Variants in ZFPM2 observed in about 807,000 individuals in gnomAD.
The protein encoded by ZFPM2 is zinc finger protein, FOG family member 2, also known as zinc finger protein ZFPM2.
Under a neutral mutation model 98.6 loss-of-function variants are expected in ZFPM2, and 20 were observed. That is an observed-to-expected ratio of 0.20 (90% CI 0.14 to 0.29). ZFPM2 has a LOEUF of 0.29. Ranked by LOEUF, ZFPM2 falls within the 10% of genes least tolerant of loss-of-function variation. The pLI, the probability that ZFPM2 is intolerant of heterozygous loss-of-function variation, is 1.00. For synonymous variants in ZFPM2, 518 were observed against 502.7 expected, an observed-to-expected ratio of 1.03 and a Z score of -0.41; for missense variants, 1,310 against 1,388.6, an observed-to-expected ratio of 0.94 and a Z score of 0.90.
intron 3 of ZFPM2, among the ~76,000 whole-genome samples, chr8:105,505,666 A>G (rs1042524017): frequency 6.6e-6 from 1 of 152,196 alleles, no homozygotes; most frequent in African/African-American, 2.4e-5. Flanking sequence ...AGATTCAAGT[A>G]TTCTGCTACA....
At chr8:105,398,256 A>G (rs1811262916) in intron 1 of ZFPM2, among the ~76,000 whole-genome samples, 1 of 152,150 alleles carries the variant, frequency 6.6e-6, no homozygotes, top group East Asian at 1.9e-4. Context: ...TTTTTCATTT[A>G]ATATATATTG....
At chr8:105,647,097 G>C (rs1024144951) in intron 5 of ZFPM2, among the ~76,000 whole-genome samples, 1 of 152,094 alleles carries the variant, frequency 6.6e-6, no homozygotes, top group Non-Finnish European at 1.5e-5. Context: ...GATCTGTTTT[G>C]GGATTCTGCA....
chr8:105,496,658 T>C (rs1813473641), intron 3 of ZFPM2, among the ~76,000 whole-genome samples: 1 of 138,332 alleles, frequency 7.2e-6, no homozygotes, highest in East Asian at 2.4e-4. Context: ...AGTGACTCTT[T>C]TTTTTGTTTT....
At chr8:105,505,468 A>G (rs1361912700) in intron 3 of ZFPM2, among the ~76,000 whole-genome samples, 5 of 152,180 alleles carry the variant, frequency 3.3e-5, no homozygotes, top group Non-Finnish European at 5.9e-5. Context: ...CAAACTCAAA[A>G]TAATGTTTGT....
intron 5 of ZFPM2, among the ~76,000 whole-genome samples, chr8:105,717,010 A>G (rs1294209754): frequency 1.3e-5 from 2 of 152,020 alleles, no homozygotes; most frequent in African/African-American, 4.8e-5. Context: ...AGTAACTTTT[A>G]TGCACTGCAG....
intron 1 of ZFPM2, among the ~76,000 whole-genome samples, chr8:105,380,656 T>C (rs1196138830): frequency 3.5e-5 from 1 of 28,358 alleles, no homozygotes; most frequent in Non-Finnish European, 5.7e-5. Context: ...TATATATATA[T>C]ATTATATATA....
intron 4 of ZFPM2, among the ~76,000 whole-genome samples, chr8:105,580,948 A>T (rs1815582462): frequency 6.6e-6 from 1 of 151,796 alleles, no homozygotes; most frequent in African/African-American, 2.4e-5. Flanking sequence ...TTACAATGAA[A>T]ATTACATTGT....
At chr8:105,418,163 A>C (rs962033144) in intron 1 of ZFPM2, among the ~76,000 whole-genome samples, 2 of 152,158 alleles carry the variant, frequency 1.3e-5, no homozygotes, top group African/African-American at 4.8e-5. Flanking sequence ...TGAGAGTGAG[A>C]GGCTGCCTGA....
At chr8:105,326,593 A>G (rs1812119056) in intron 1 of ZFPM2, among the ~76,000 whole-genome samples, 1 of 151,686 alleles carries the variant, frequency 6.6e-6, no homozygotes, top group Non-Finnish European at 1.5e-5. Flanking sequence ...AATGCTATTT[A>G]TTATTTAATA....
At chr8:105,723,142 T>C (rs1220892737) in intron 5 of ZFPM2, among the ~76,000 whole-genome samples, 5 of 151,868 alleles carry the variant, frequency 3.3e-5, no homozygotes, top group African/African-American at 1.2e-4. Context: ...ATCATAAAAA[T>C]TTCATCCCCC....
intron 1 of ZFPM2, among the ~76,000 whole-genome samples, chr8:105,396,104 C>G (rs1161450506): frequency 1.3e-5 from 2 of 152,136 alleles, no homozygotes; most frequent in African/African-American, 4.8e-5. Context: ...TTTACCATAG[C>G]CTCTCTGGTC....
chr8:105,683,865 C>T (rs138880666), intron 5 of ZFPM2, among the ~76,000 whole-genome samples: 13 of 152,182 alleles, frequency 8.5e-5, no homozygotes, highest in African/African-American at 2.9e-4. Flanking sequence ...TTTAGCTCTC[C>T]GTTGTCAAAG....
At chr8:105,603,307 G>A (rs1816131321) in intron 4 of ZFPM2, among the ~76,000 whole-genome samples, 1 of 152,044 alleles carries the variant, frequency 6.6e-6, no homozygotes, top group Non-Finnish European at 1.5e-5. Flanking sequence ...CGCTGGGTTA[G>A]GAAGACATAT....
chr8:105,357,709 G>A (rs1384327149), intron 1 of ZFPM2, among the ~76,000 whole-genome samples: 2 of 151,974 alleles, frequency 1.3e-5, no homozygotes, highest in African/African-American at 2.4e-5. Context: ...GATAAATAGA[G>A]ATAAACCATC....
At chr8:105,446,216 G>A (rs933526108) in intron 3 of ZFPM2, among the ~76,000 whole-genome samples, 3 of 152,116 alleles carry the variant, frequency 2.0e-5, no homozygotes, top group African/African-American at 4.8e-5. Flanking sequence ...TACCGTGCCC[G>A]GCGATAGTTC....
intron 3 of ZFPM2, among the ~76,000 whole-genome samples, chr8:105,463,349 G>A (rs1310588495): frequency 6.6e-6 from 1 of 151,540 alleles, no homozygotes; most frequent in East Asian, 1.9e-4. Flanking sequence ...ATATATGTGT[G>A]TGTATATATA....
chr8:105,379,722 C>T (rs1198249094), intron 1 of ZFPM2, among the ~76,000 whole-genome samples: 1 of 149,554 alleles, frequency 6.7e-6, no homozygotes, highest in Non-Finnish European at 1.5e-5. Context: ...CATTGCGCTC[C>T]AGCCTGGGTA....
rs147152561 is a variant in ZFPM2, at chr8:105,689,161, T to G, written c.532+54804T>G. 3.3e-3 allele frequency among the ~76,000 whole-genome samples: 498 copies of G among 152,258 alleles called. 2 individuals are homozygous for G. Among genetic ancestry groups the G allele is most frequent in the African/African-American group, 9.0e-3 (376 of 41,550 alleles). On this transcript the variant is annotated intron_variant, in intron 5 of 7. Coordinates refer to ENST00000407775, the MANE Select transcript of ZFPM2 (RefSeq NM_012082.4). Reference sequence around the variant, plus strand: ...CTTCCTATCTCAATCACAATATAATTCCTTATGGAAGCCTTCTGTAACCAC... The same window carrying G: ...CTTCCTATCTCAATCACAATATAATGCCTTATGGAAGCCTTCTGTAACCAC...
At chr8:105,570,535 T>C (rs971609872) in intron 4 of ZFPM2, among the ~76,000 whole-genome samples, 1 of 152,190 alleles carries the variant, frequency 6.6e-6, no homozygotes, top group Non-Finnish European at 1.5e-5. Flanking sequence ...GATATAGTTA[T>C]GATGTTGGCA....
Sources: gnomAD v4.1 joint callset for allele counts (sites outside exome capture counted in the v4.1 genomes callset) on GRCh38, gnomAD v4.1.1 for gene constraint, MANE v1.5 for transcripts, NCBI Gene and HGNC (gene_info 2026-07-23, HGNC 2026-07-21) for gene names.